ADAM23: variants seen among roughly 807,000 people sequenced by gnomAD.
ADAM23 encodes disintegrin and metalloproteinase domain-containing protein 23.
A neutral mutation model predicts 120.1 loss-of-function variants in ADAM23; 33 were observed. The ratio of observed to expected loss-of-function variants is 0.27; its 90% confidence interval spans 0.21 to 0.37. The LOEUF is 0.37. Among genes scored for constraint, ADAM23 ranks in the 10% least tolerant of loss-of-function variants. The probability of loss-of-function intolerance (pLI) is 1.00; values close to 1 mark genes in which losing one functional copy is unlikely to be tolerated. For missense variants in ADAM23, 862 were observed against 1,058.2 expected (o/e 0.81, Z 2.57); for synonymous variants, 367 against 375.2 (o/e 0.98, Z 0.25).
intron 3 of ADAM23, among the ~76,000 whole-genome samples, chr2:206,525,003 T>A (rs572796191): frequency 6.6e-6 from 1 of 152,254 alleles, no homozygotes; most frequent in African/African-American, 2.4e-5. Context: ...TACCTTAAAT[T>A]TGGCCTTTAG....
At chr2:206,551,001 A>G (rs1317933334) in intron 9 of ADAM23, among the ~76,000 whole-genome samples, 1 of 152,232 alleles carries the variant, frequency 6.6e-6, no homozygotes, top group Non-Finnish European at 1.5e-5. Context: ...CTTAAAAGAT[A>G]TATGAAAAAC....
At chr2:206,609,887 C>A in intron 24 of ADAM23, 23 bp from the exon 25 acceptor site, 1 of 1,585,490 alleles carries the variant, frequency 6.3e-7, no homozygotes. Context: ...ATATGACTCT[C>A]TTCCCATGAT....
chr2:206,474,246 C>T (rs747588415), intron 2 of ADAM23, among the ~76,000 whole-genome samples: 10 of 152,134 alleles, frequency 6.6e-5, no homozygotes, highest in South Asian at 2.1e-4. Flanking sequence ...TTTGCAGAAC[C>T]GCCTTCATGT....
chr2:206,477,897 A>AATATATATAT (rs71034457), intron 2 of ADAM23, among the ~76,000 whole-genome samples: 17 of 93,576 alleles, frequency 1.8e-4, no homozygotes, highest in Admixed American at 7.5e-4. Flanking sequence ...AAAAAAAAAA[A>AATATATATAT]ATATATATAT....
In ADAM23 at chr2:206,557,435, G is replaced by A. The variant is rs1697668931; in HGVS notation, c.942G>A (p.Lys314=). 7 of 1,613,176 alleles carry A rather than the reference G, an allele frequency of 4.3e-6. No homozygotes were observed. The highest frequency in any genetic ancestry group is 5.1e-6 in the Non-Finnish European group (6 of 1,179,242). Residue 314 remains lysine (K), a synonymous_variant, in exon 10 of 26, where the codon AAG becomes AAA. Coordinates refer to ENST00000264377, the MANE Select transcript of ADAM23 (RefSeq NM_003812.4). The stretch of plus-strand genomic sequence containing the variant: ...ATGTATTTCCCCCCTAGTATAAGAA[G>A]CATCGCTCTTCTCATGCACATACCA... ...MIVNDHKTYK[K]HRSSHAHTNN... is the part of the protein sequence containing the mutation.
Position 206,487,046 on chromosome 2 carries a change from C to T in ADAM23, c.509+5738C>T, listed in dbSNP as rs1696028367. 5.3e-5 allele frequency among the ~76,000 whole-genome samples: 8 copies of T among 152,140 alleles called. No homozygotes were observed. The South Asian group carries it at 1.4e-3, about 28-fold the overall frequency. On this transcript the variant is annotated intron_variant, in intron 3 of 25. Coordinates refer to ENST00000264377, the MANE Select transcript of ADAM23 (RefSeq NM_003812.4). The stretch of plus-strand genomic sequence containing the variant: ...ATCCATGTTGTAGCTGAGTAATATA[C>T]CATTATTTGGATATATTCTAAGCTT...
chr2:206,455,881 A>G (rs1695287675), intron 2 of ADAM23, among the ~76,000 whole-genome samples: 1 of 152,174 alleles, frequency 6.6e-6, no homozygotes. Context: ...CACTATCAGC[A>G]TTTTGGTTAA....
At position 206,592,692 on chromosome 2, in the gene ADAM23, C is replaced by G. The variant is rs1318603724; in HGVS notation, c.2034C>G (p.Ile678Met). 6 of 1,613,918 alleles carry G rather than the reference C, an allele frequency of 3.7e-6. No individual in the cohort carries two copies. In the African/African-American group the frequency reaches 8.0e-5, roughly 22 times the overall value. ...APRIGQLQGE[I>M]IPTSFYHQGR... ...GTATTGGTCAACTTCAGGGTGAGATCATTCCAACTTCCTTCTACCATCAAG... is the reference window on the plus strand; with the variant it reads ...GTATTGGTCAACTTCAGGGTGAGATGATTCCAACTTCCTTCTACCATCAAG... The change falls in exon 22 of 26, where the codon ATC (isoleucine) becomes ATG (methionine). Residue 678 changes from isoleucine to methionine, a missense_variant. This residue lies in a region of ADAM23 where 617 missense variants were observed against 813.5 expected (regional missense o/e 0.76). Transcript: ENST00000264377.
intron 3 of ADAM23, among the ~76,000 whole-genome samples, chr2:206,521,612 T>C (rs1187168895): frequency 6.6e-6 from 1 of 152,206 alleles, no homozygotes; most frequent in Admixed American, 6.5e-5. Context: ...CAGACATTTT[T>C]CTATATGTGA....
chr2:206,599,416 C>T (rs2105855552), intron 24 of ADAM23, among the ~76,000 whole-genome samples: 1 of 152,158 alleles, frequency 6.6e-6, no homozygotes, highest in East Asian at 1.9e-4. Flanking sequence ...TAAATATTTA[C>T]ATTTCCAGAA....
At chr2:206,551,079 T>C (rs1220948202) in intron 9 of ADAM23, among the ~76,000 whole-genome samples, 1 of 152,216 alleles carries the variant, frequency 6.6e-6, no homozygotes, top group African/African-American at 2.4e-5. Flanking sequence ...CTTAACCGTT[T>C]CCTTTATAAA....
chr2:206,607,958 C>T, intron 24 of ADAM23: 2 of 333,528 alleles, frequency 6.0e-6, no homozygotes. Flanking sequence ...CTAATCCTAG[C>T]CTGTTTTCTG....
At chr2:206,551,096 T>C (rs1046623001) in intron 9 of ADAM23, among the ~76,000 whole-genome samples, 1 of 152,226 alleles carries the variant, frequency 6.6e-6, no homozygotes, top group Admixed American at 6.5e-5. Context: ...TAAAATTACT[T>C]GCCTGAAGCC....
intron 25 of ADAM23, among the ~76,000 whole-genome samples, chr2:206,610,784 A>G (rs191857218): frequency 6.6e-6 from 1 of 152,358 alleles, no homozygotes; most frequent in Admixed American, 6.5e-5. Context: ...TCTACACTCC[A>G]GAATCATTGG....
intron 3 of ADAM23, among the ~76,000 whole-genome samples, chr2:206,485,510 A>G (rs1329662374): frequency 6.6e-6 from 1 of 152,210 alleles, no homozygotes; most frequent in Non-Finnish European, 1.5e-5. Flanking sequence ...GAATCTTCAG[A>G]GTTGGTGACC....
At chr2:206,497,576 C>A (rs1278183426) in intron 3 of ADAM23, among the ~76,000 whole-genome samples, 2 of 152,048 alleles carry the variant, frequency 1.3e-5, no homozygotes, top group Non-Finnish European at 2.9e-5. Flanking sequence ...GGAAGCATTC[C>A]CTTTGAAAAC....
chr2:206,446,210 T>A (rs973452648), intron 2 of ADAM23, among the ~76,000 whole-genome samples: 1 of 152,238 alleles, frequency 6.6e-6, no homozygotes, highest in Non-Finnish European at 1.5e-5. Flanking sequence ...GTGGAACTGA[T>A]ATTTACCAAG....
intron 9 of ADAM23, among the ~76,000 whole-genome samples, chr2:206,550,746 C>A (rs1697505355): frequency 6.6e-6 from 1 of 151,636 alleles, no homozygotes; most frequent in Admixed American, 6.6e-5. Flanking sequence ...GGACTACAGG[C>A]GCCCGCCACT....
intron 2 of ADAM23, among the ~76,000 whole-genome samples, chr2:206,464,854 A>T (rs930266816): frequency 3.3e-5 from 5 of 152,114 alleles, no homozygotes; most frequent in Non-Finnish European, 7.4e-5. Flanking sequence ...CCCTAAAATC[A>T]AAGAAGTATC....
Sources: gnomAD v4.1 joint callset for allele counts (sites outside exome capture counted in the v4.1 genomes callset) on GRCh38, gnomAD v4.1.1 for gene constraint, gnomAD v4.1.1 regional missense constraint, MANE v1.5 for transcripts, NCBI Gene and HGNC (gene_info 2026-07-23, HGNC 2026-07-21) for gene names.